The following SYNE1 variants were observed in gnomAD, a reference collection of about 807,000 sequenced individuals.
SYNE1 encodes the protein spectrin repeat containing nuclear envelope protein 1.
Under a neutral mutation model 1,111.0 loss-of-function variants are expected in SYNE1, and 616 were observed. That is an observed-to-expected ratio of 0.55 (90% CI 0.52 to 0.59). The LOEUF is 0.59. SYNE1 is among the 20% of genes least tolerant of loss of function. SYNE1 has a pLI of 0.00. For missense variants in SYNE1, 10,006 were observed against 10,417.0 expected (o/e 0.96, Z 1.72); for synonymous variants, 3,855 against 3,825.8 (o/e 1.01, Z -0.28).
chr6:152,452,842 G>A (rs1304354846), intron 25 of SYNE1, among the ~76,000 whole-genome samples: 3 of 152,130 alleles, frequency 2.0e-5, no homozygotes, highest in Non-Finnish European at 4.4e-5. Context: ...ACGGAAGCCC[G>A]CGGGCCCCCG....
intron 115 of SYNE1, among the ~76,000 whole-genome samples, chr6:152,228,340 T>C (rs1018646598): frequency 6.6e-6 from 1 of 152,112 alleles, no homozygotes; most frequent in African/African-American, 2.4e-5. Context: ...CTTTAAGCTT[T>C]CCCTCCTGAC....
At chr6:152,368,785 C>T (rs1241277566) in intron 61 of SYNE1, 187 bp downstream of exon 61, 3 of 722,618 alleles carry the variant, frequency 4.2e-6, no homozygotes, top group African/African-American at 1.7e-5. Context: ...CCACATCAAG[C>T]TTATGCAACA....
chr6:152,450,493 T>C, intron 27 of SYNE1, 132 bp downstream of exon 27: 2 of 949,122 alleles, frequency 2.1e-6, no homozygotes, highest in Non-Finnish European at 3.4e-6. Flanking sequence ...ATTCCTTTTA[T>C]TAAATGAAGG....
At chr6:152,444,079 G>A (rs771605774) in intron 30 of SYNE1, among the ~76,000 whole-genome samples, 7 of 152,198 alleles carry the variant, frequency 4.6e-5, no homozygotes, top group Non-Finnish European at 1.0e-4. Context: ...GTCCATCTAT[G>A]CCTTTCCATC....
chr6:152,332,820 T>C (rs1288342027), intron 77 of SYNE1, among the ~76,000 whole-genome samples: 1 of 152,220 alleles, frequency 6.6e-6, no homozygotes, highest in African/African-American at 2.4e-5. Flanking sequence ...AAAAATGGAA[T>C]ATTGTAGTCT....
intron 121 of SYNE1, among the ~76,000 whole-genome samples, chr6:152,215,449 GATTT>G (rs2078408451): frequency 6.6e-6 from 1 of 151,636 alleles, no homozygotes; most frequent in Non-Finnish European, 1.5e-5. Flanking sequence ...CTATTTACTT[GATTT>G]ACTCATATGT....
At position 152,353,325 on chromosome 6, in the gene SYNE1, C is replaced by T. The variant is rs200577602; in HGVS notation, c.11191G>A (p.Val3731Met). 6.2e-7 allele frequency: 1 copy of T among 1,614,186 alleles called. No individual in the cohort carries two copies. The highest frequency in any genetic ancestry group is 8.5e-7 in the Non-Finnish European group (1 of 1,180,044). The change falls in exon 69 of 146, where the codon GTG becomes ATG. Residue 3731 changes from valine (V) to methionine (M), a missense_variant. Coordinates refer to ENST00000367255, the MANE Select transcript of SYNE1 (RefSeq NM_182961.4). ...TCTACTTTGTCAATCTTGGTAGCCA[C>T]ATTCTTGAAGTTTTTATGAGTAGAG... ...YGSTHKNFKN[V>M]ATKIDKVDTV...
At chr6:152,577,111 T>G (rs1334113818) in intron 3 of SYNE1, among the ~76,000 whole-genome samples, 2 of 152,196 alleles carry the variant, frequency 1.3e-5, no homozygotes, top group African/African-American at 4.8e-5. Flanking sequence ...AATAAAGTGT[T>G]TTTGTTCTTG....
rs758655290 is a variant in SYNE1 at position 152,125,405 on chromosome 6, C to T, written c.26154-2729G>A. The stretch of plus-strand genomic sequence containing the variant: ...GCAGATCATCAAATCCGTGTGTGGA[C>T]GTGGGGACATTTTGTTTTGAGGCAG... On this transcript the variant is annotated intron_variant, in intron 145 of 145. Transcript: ENST00000367255. 288 of 1,512,512 alleles carry T rather than the reference C, an allele frequency of 1.9e-4. 1 individual carries two copies. The highest frequency in any genetic ancestry group is 5.2e-4 in the Middle Eastern group (3 of 5,806). The allele number at this position is 1,512,512 out of a possible 1,614,324, so 93.7% of individuals were successfully genotyped here.
At chr6:152,409,255 A>T (rs774265322) in intron 43 of SYNE1, 29 bp from the exon 44 acceptor site, 1 of 1,605,362 alleles carries the variant, frequency 6.2e-7, no homozygotes. Flanking sequence ...TTAATTAATA[A>T]AATAGTCAGT....
intron 4 of SYNE1, among the ~76,000 whole-genome samples, chr6:152,529,523 A>G (rs1249166275): frequency 1.3e-5 from 2 of 152,202 alleles, no homozygotes; most frequent in African/African-American, 4.8e-5. Context: ...TGGGTTAGTC[A>G]GTGTGTTGGG....
chr6:152,614,775 C>T (rs1177105048), intron 3 of SYNE1, among the ~76,000 whole-genome samples: 1 of 152,166 alleles, frequency 6.6e-6, no homozygotes, highest in Non-Finnish European at 1.5e-5. Context: ...AAATGTGGCA[C>T]ATATACACCA....
chr6:152,197,499 A>G (rs1410334189), intron 127 of SYNE1, among the ~76,000 whole-genome samples: 1 of 152,242 alleles, frequency 6.6e-6, no homozygotes, highest in Non-Finnish European at 1.5e-5. Flanking sequence ...TTAAATAATA[A>G]GACTTGGAAG....
intron 40 of SYNE1, among the ~76,000 whole-genome samples, chr6:152,417,370 C>T (rs1392882099): frequency 6.6e-6 from 1 of 152,056 alleles, no homozygotes; most frequent in Non-Finnish European, 1.5e-5. Flanking sequence ...TGGTGGTGGG[C>T]GCCTGTAGTC....
Position 152,208,069 on chromosome 6 carries a change from C to T in SYNE1, c.22727G>A (p.Arg7576His), listed in dbSNP as rs752444572. The T allele has an allele frequency of 1.6e-5, 26 of 1,613,992 alleles. No homozygotes were observed. The highest frequency in any genetic ancestry group is 1.6e-4 in the Middle Eastern group (1 of 6,084). Residue 7576 changes from arginine (R) to histidine (H), a missense_variant, in exon 125 of 146, where the codon CGT becomes CAT. By Grantham distance (29) the Arg-to-His change is conservative. This residue lies in a region of SYNE1 where 2,182 missense variants were observed against 2,287.8 expected (regional missense o/e 0.95). Transcript: ENST00000367255. ...GTAGGACACTTCAACCAACCATTTA[C>T]GAAGCTTTTCTGCCATCTCCCTATA... ...QRYREMAEKLRKWLVEVSYLP... is the reference protein window; with the variant it reads ...QRYREMAEKLHKWLVEVSYLP...
Position 152,207,981 on chromosome 6 carries a change from A to G in SYNE1, c.22815T>C (p.Asp7605=), listed in dbSNP as rs1347387544. The G allele has an allele frequency of 1.9e-6, 3 of 1,614,168 alleles. No individual in the cohort carries two copies. The highest frequency in any genetic ancestry group is 2.2e-5 in the South Asian group (2 of 91,088). Residue 7605 remains aspartate (D), a synonymous_variant, in exon 125 of 146, where the codon GAT becomes GAC. Coordinates refer to ENST00000367255, the MANE Select transcript of SYNE1 (RefSeq NM_182961.4). ...GTGTTTTGCATCTTACCTGCACTTC[A>G]TCAAAGAGGGTCCTTGCTTGTTGCA... ...IPLQQARTLF[D]EVQFKEKVFL...
chr6:152,132,075 A>C (rs748146093), intron 144 of SYNE1, 47 bp downstream of exon 144: 1 of 1,546,324 alleles, frequency 6.5e-7, no homozygotes, highest in Non-Finnish European at 8.9e-7. Context: ...GTCACTTCCC[A>C]GTGTTCACTC....
In SYNE1 at chr6:152,628,524, T is replaced by C. The variant is rs2099690685; in HGVS notation, c.-193A>G. On this transcript the variant is annotated 5_prime_UTR_variant, in exon 3 of 146. Coordinates refer to ENST00000367255, the MANE Select transcript of SYNE1 (RefSeq NM_182961.4). ...ACTGCTTCTTTTTCTTCTTCCGTTT[T>C]AAGACTGTCCTCTTACATGAACTCA... 3 of 631,548 alleles carry C rather than the reference T, an allele frequency of 4.8e-6. No homozygotes were observed. Among genetic ancestry groups the C allele is most frequent in the Non-Finnish European group, 8.5e-6 (3 of 354,708 alleles). 39.1% of individuals were successfully genotyped at this position (631,548 alleles called of 1,614,324 possible).
intron 32 of SYNE1, among the ~76,000 whole-genome samples, chr6:152,438,943 T>A (rs965688028): frequency 1.3e-5 from 2 of 152,230 alleles, no homozygotes; most frequent in African/African-American, 4.8e-5. Flanking sequence ...AAGGACCTTT[T>A]GGATTGAAAT....
Sources: allele counts gnomAD v4.1 joint callset (sites outside exome capture counted in the v4.1 genomes callset), GRCh38; gene constraint gnomAD v4.1.1; regional missense constraint gnomAD v4.1.1; transcripts MANE v1.5; gene names NCBI Gene and HGNC (gene_info 2026-07-23, HGNC 2026-07-21).